Variants in RYR2 observed in about 807,000 individuals in gnomAD.
The protein encoded by RYR2 is ryanodine receptor 2, also known as cardiac muscle ryanodine receptor-calcium release channel.
Under a neutral mutation model 601.1 loss-of-function variants are expected in RYR2, and 227 were observed. The ratio of observed to expected loss-of-function variants is 0.38; its 90% confidence interval spans 0.34 to 0.42. The LOEUF is 0.42. Among genes scored for constraint, RYR2 ranks in the 10% least tolerant of loss-of-function variants. The pLI, the probability that RYR2 is intolerant of heterozygous loss-of-function variation, is 1.00. For synonymous variants in RYR2, 2,223 were observed against 2,175.1 expected, an observed-to-expected ratio of 1.02 and a Z score of -0.61; for missense variants, 4,646 against 6,156.5, an observed-to-expected ratio of 0.75 and a Z score of 8.21.
chr1:237,253,181 A>AAT (rs1491204684), intron 1 of RYR2, among the ~76,000 whole-genome samples: 43 of 143,756 alleles, frequency 3.0e-4, no homozygotes, highest in African/African-American at 1.1e-3. Flanking sequence ...AAAAAAAAAA[A>AAT]CAACAACAAA....
chr1:237,715,065 A>ACTTCCCTT (rs946264932), intron 71 of RYR2, among the ~76,000 whole-genome samples: 10 of 148,832 alleles, frequency 6.7e-5, no homozygotes, highest in African/African-American at 2.5e-4. Context: ...AGGTTAGTCC[A>ACTTCCCTT]CTTCCCTTCT....
intron 49 of RYR2, among the ~76,000 whole-genome samples, chr1:237,649,059 G>A (rs892634056): frequency 2.0e-5 from 3 of 152,212 alleles, no homozygotes; most frequent in Non-Finnish European, 2.9e-5. Context: ...GTTTGTTAAG[G>A]TACAAATGGA....
chr1:237,611,586 A>C (rs540360924), intron 36 of RYR2, among the ~76,000 whole-genome samples: 2 of 152,300 alleles, frequency 1.3e-5, no homozygotes, highest in South Asian at 4.1e-4. Flanking sequence ...TAGCCAATTA[A>C]ATTGCAGAGA....
At chr1:237,616,759 G>A (rs747267378) in intron 37 of RYR2, among the ~76,000 whole-genome samples, 2 of 152,174 alleles carry the variant, frequency 1.3e-5, no homozygotes, top group Non-Finnish European at 1.5e-5. Flanking sequence ...ACCTGAGACT[G>A]AGTAATTTAT....
intron 25 of RYR2, among the ~76,000 whole-genome samples, chr1:237,539,814 A>C (rs1005661870): frequency 5.3e-5 from 8 of 152,196 alleles, no homozygotes; most frequent in African/African-American, 1.9e-4. Context: ...TGTAACCTGC[A>C]CATCCTGCAC....
chr1:237,795,258 C>T, intron 95 of RYR2, 31 bp from the exon 96 acceptor site: 1 of 1,061,234 alleles, frequency 9.4e-7, no homozygotes, highest in Non-Finnish European at 1.4e-6. Context: ...AAAAATAATA[C>T]TATTTACTTC....
intron 2 of RYR2, among the ~76,000 whole-genome samples, chr1:237,307,525 T>C (rs1693997469): frequency 6.6e-6 from 1 of 152,270 alleles, no homozygotes; most frequent in Non-Finnish European, 1.5e-5. Flanking sequence ...ATATGTTCAG[T>C]ATGATTTTAC....
Position 237,639,103 on chromosome 1 carries a change from T to G in RYR2, c.7017T>G (p.Gly2339=). ...TTGGTCCTGCTTTGAGAGGAGAAGGTGGGAATGGGCTTCTTGCAGCAATGG... is the reference window on the plus strand; with the variant it reads ...TTGGTCCTGCTTTGAGAGGAGAAGGGGGGAATGGGCTTCTTGCAGCAATGG... ...ECFGPALRGE[G]GNGLLAAMEE... is the part of the protein sequence containing the mutation. Residue 2339 remains glycine (G), a synonymous_variant, in exon 46 of 105, where the codon GGT becomes GGG. Coordinates refer to ENST00000366574, the MANE Select transcript of RYR2 (RefSeq NM_001035.3). 6.2e-7 allele frequency: 1 copy of G among 1,613,818 alleles called. No homozygotes were observed. Among genetic ancestry groups the G allele is most frequent in the Non-Finnish European group, 8.5e-7 (1 of 1,179,854 alleles).
At position 237,638,440 on chromosome 1, in the gene RYR2, A is replaced by G; in HGVS notation, c.6876A>G (p.Pro2292=). Residue 2292 remains proline (P), a synonymous_variant, in exon 45 of 105, where the codon CCA becomes CCG. Coordinates refer to ENST00000366574, the MANE Select transcript of RYR2 (RefSeq NM_001035.3). ...GCTATCCAGACATTGGGTGGAACCCAGTTGAAGGAGAGAGATATCTTGACT... is the reference window on the plus strand; with the variant it reads ...GCTATCCAGACATTGGGTGGAACCCGGTTGAAGGAGAGAGATATCTTGACT... ...SKGYPDIGWN[P]VEGERYLDFL... 1 of 1,613,976 alleles carries G rather than the reference A, an allele frequency of 6.2e-7. No individual in the cohort carries two copies.
intron 35 of RYR2, among the ~76,000 whole-genome samples, chr1:237,606,945 G>C (rs903472557): frequency 2.0e-5 from 3 of 152,182 alleles, no homozygotes; most frequent in Non-Finnish European, 4.4e-5. Flanking sequence ...AGAAGATGTG[G>C]AGAAATAGGA....
intron 9 of RYR2, among the ~76,000 whole-genome samples, chr1:237,387,598 C>G (rs1353539487): frequency 6.6e-6 from 1 of 152,132 alleles, no homozygotes; most frequent in Admixed American, 6.6e-5. Context: ...ATGCTACTGT[C>G]AGCTTTAGTT....
intron 1 of RYR2, among the ~76,000 whole-genome samples, chr1:237,058,691 C>A (rs1009960443): frequency 6.6e-6 from 1 of 151,458 alleles, no homozygotes; most frequent in South Asian, 2.1e-4. Flanking sequence ...CAGGGCGGGC[C>A]GGATTACTTG....
At chr1:237,425,276 G>A (rs1381400966) in intron 12 of RYR2, among the ~76,000 whole-genome samples, 3 of 151,930 alleles carry the variant, frequency 2.0e-5, no homozygotes, top group Admixed American at 1.3e-4. Context: ...CTGTGTAAAC[G>A]CACACAACCT....
intron 2 of RYR2, among the ~76,000 whole-genome samples, chr1:237,310,812 A>G (rs1339253862): frequency 1.3e-5 from 2 of 152,206 alleles, no homozygotes; most frequent in Non-Finnish European, 2.9e-5. Flanking sequence ...ACAAAATTTC[A>G]TTAATATTTA....
chr1:237,832,411 G>T (rs1173082519), intron 104 of RYR2, 141 bp from the exon 105 acceptor site: 5 of 502,422 alleles, frequency 1.0e-5, no homozygotes, highest in African/African-American at 3.9e-5. Context: ...TTAAGGTCTG[G>T]TATAGTTAGT....
intron 39 of RYR2, 66 bp downstream of exon 39, chr1:237,623,936 A>C: frequency 9.8e-7 from 1 of 1,022,188 alleles, no homozygotes. Context: ...CCTGAGACGA[A>C]ATTAAGTGTA....
intron 1 of RYR2, among the ~76,000 whole-genome samples, chr1:237,220,592 T>C (rs1028287903): frequency 1.3e-5 from 2 of 152,216 alleles, no homozygotes; most frequent in African/African-American, 4.8e-5. Context: ...TTTCTGTTTC[T>C]CGGGAGACAC....
At chr1:237,201,272 G>C (rs1369704595) in intron 1 of RYR2, among the ~76,000 whole-genome samples, 1 of 152,160 alleles carries the variant, frequency 6.6e-6, no homozygotes, top group Non-Finnish European at 1.5e-5. Flanking sequence ...GTGTCACATT[G>C]AGGTCCTGGC....
rs528261079 is a variant in RYR2 at position 237,320,403 on chromosome 1, C to T, written c.169-10475C>T. Among the ~76,000 whole-genome samples, 99 of 152,224 alleles carry T rather than the reference C, an allele frequency of 6.5e-4. No homozygotes were observed. In the Middle Eastern group the frequency reaches 0.01, roughly 16 times the overall value. ...GATTTCTTTGTATTACCTATAAACT[C>T]CTTCAGAGCCAAATTATGTGTTAAG... On this transcript the variant is annotated intron_variant, in intron 2 of 104. Transcript: ENST00000366574.
Sources: allele counts gnomAD v4.1 joint callset (sites outside exome capture counted in the v4.1 genomes callset), GRCh38; gene constraint gnomAD v4.1.1; transcripts MANE v1.5; gene names NCBI Gene and HGNC (gene_info 2026-07-23, HGNC 2026-07-21).